TOR1AIP2: variants seen among roughly 807,000 people sequenced by gnomAD.
The protein encoded by TOR1AIP2 is torsin-1A-interacting protein 2.
A neutral mutation model predicts 32.6 loss-of-function variants in TOR1AIP2; 20 were observed. The ratio of observed to expected loss-of-function variants is 0.61; its 90% CI spans 0.43 to 0.89. The LOEUF (loss-of-function observed/expected upper bound fraction) is 0.89. Ranked by LOEUF, TOR1AIP2 falls within the 40% of genes least tolerant of loss-of-function variation. TOR1AIP2 has a pLI of 0.00. For missense variants in TOR1AIP2, 456 were observed against 553.8 expected (o/e 0.82, Z 1.77); for synonymous variants, 214 against 210.8 (o/e 1.02, Z -0.13).
chr1:179,864,624 T>C, intron 3 of TOR1AIP2: 1 of 1,405,596 alleles, frequency 7.1e-7, no homozygotes, highest in Non-Finnish European at 9.2e-7. Context: ...TTCATGTGAA[T>C]AAAATATGTA....
rs546361452 is a variant in TOR1AIP2 at position 179,843,875 on chromosome 1, C to T, written c.*2196G>A. On this transcript the variant is annotated 3_prime_UTR_variant, in exon 7 of 7. Coordinates refer to ENST00000609928, the MANE Select transcript of TOR1AIP2 (RefSeq NM_001199260.2). ...GAAATAGCAGACAGAAAACTGACAA[C>T]ACCCTCAATTGATTGCACTATACAT... is the stretch of plus-strand genomic sequence containing the variant. 2.8e-5 allele frequency: 4 copies of T among 140,884 alleles called. No homozygotes were observed. Among genetic ancestry groups the T allele is most frequent in the African/African-American group, 7.8e-5 (3 of 38,426 alleles). The allele number at this position is 140,884 out of a possible 1,614,324, so 8.7% of individuals were successfully genotyped here.
rs1695899274 is a variant in TOR1AIP2, at chr1:179,846,260, A to G, written c.1224T>C (p.Ser408=). 1 of 1,614,152 alleles carries G rather than the reference A, an allele frequency of 6.2e-7. No individual in the cohort carries two copies. The highest frequency in any genetic ancestry group is 1.1e-5 in the South Asian group (1 of 91,076). The change falls in exon 7 of 7, where the codon AGT becomes AGC. Residue 408 remains serine (S), a synonymous_variant. Transcript: ENST00000609928. ...VLLEEETLEA[S]VGPRETEEKV... is the part of the protein sequence containing the mutation. Reference sequence around the variant, plus strand: ...TTTCTTCCGTTTCCCTTGGGCCTACACTTGCTTCTAATGTTTCCTCCTCTA... The same window carrying G: ...TTTCTTCCGTTTCCCTTGGGCCTACGCTTGCTTCTAATGTTTCCTCCTCTA...
intron 2 of TOR1AIP2, chr1:179,867,407 G>A (rs1476229612): frequency 1.3e-5 from 2 of 152,168 alleles, no homozygotes; most frequent in Non-Finnish European, 2.9e-5. Context: ...TTCCCTGAGG[G>A]TCTGCTGACA....
intron 2 of TOR1AIP2, chr1:179,874,833 G>A (rs1045813528): frequency 5.3e-5 from 8 of 152,188 alleles, no homozygotes; most frequent in Non-Finnish European, 1.0e-4. Context: ...TCAGCCTCCA[G>A]GATCAAGTCC....
rs953321651 is a variant in TOR1AIP2 at position 179,845,283 on chromosome 1, CAA to C, written c.*786_*787del. The C allele has an allele frequency of 2.0e-5, 3 of 152,102 alleles. No individual in the cohort carries two copies. The highest frequency in any genetic ancestry group is 4.4e-5 in the Non-Finnish European group (3 of 68,014). The allele number at this position is 152,102 out of a possible 1,614,324, so 9.4% of individuals were successfully genotyped here. A position where few individuals can be genotyped will look rare whatever the true frequency, so the allele number is the denominator to read the frequency against. ...AGTTAAAAGCAGAACTGCTCTGATA[CAA>C]AGGGGAAGGGTGCCAGTAGACACAG... On this transcript the variant is annotated 3_prime_UTR_variant, in exon 7 of 7. Coordinates refer to ENST00000609928, the MANE Select transcript of TOR1AIP2 (RefSeq NM_001199260.2).
Position 179,846,822 on chromosome 1 carries a change from A to C in TOR1AIP2, c.662T>G (p.Val221Gly). The C allele has an allele frequency of 6.3e-7, 1 of 1,589,846 alleles. No individual in the cohort carries two copies. Among genetic ancestry groups the C allele is most frequent in the Non-Finnish European group, 8.6e-7 (1 of 1,166,456 alleles). The change falls in exon 7 of 7, where the codon GTG becomes GGG. Residue 221 changes from valine to glycine, a missense_variant. Coordinates refer to ENST00000609928, the MANE Select transcript of TOR1AIP2 (RefSeq NM_001199260.2). ...NKKGFWSYGP[V>G]ILVVLVVAVV... ...AGCCACAACCAGGACGACAAGAATC[A>C]CAGGGCCTGTCAAAAGAATGAAAAA... is the stretch of plus-strand genomic sequence containing the variant.
Position 179,844,843 on chromosome 1 carries a change from TATTAA to T in TOR1AIP2, c.*1223_*1227del, listed in dbSNP as rs961893587. On this transcript the variant is annotated 3_prime_UTR_variant, in exon 7 of 7. Transcript: ENST00000609928. ...TGCCAAATGTTCATATAAAATTTAC[TATTAA>T]ATTGGTTATTCAAAAATAAATTTTT... The T allele has an allele frequency of 4.0e-4, 61 of 152,234 alleles. 2 individuals are homozygous for T. Among genetic ancestry groups the T allele is most frequent in the Non-Finnish European group, 4.4e-5 (3 of 68,034 alleles). 9.4% of individuals were successfully genotyped at this position (152,234 alleles called of 1,614,324 possible).
intron 3 of TOR1AIP2, among the ~76,000 whole-genome samples, chr1:179,854,639 G>A (rs1696232158): frequency 6.6e-6 from 1 of 152,166 alleles, no homozygotes; most frequent in Admixed American, 6.5e-5. Context: ...GGAGGCTGAG[G>A]CGGGCAGATC....
At chr1:179,868,615 G>A (rs1696888563) in intron 2 of TOR1AIP2, 1 of 152,054 alleles carries the variant, frequency 6.6e-6, no homozygotes, top group Admixed American at 6.6e-5. Flanking sequence ...TGGTAGCACT[G>A]TGTAATAGCA....
intron 6 of TOR1AIP2, 134 bp downstream of exon 6, chr1:179,847,401 C>G: frequency 1.4e-6 from 1 of 701,114 alleles, no homozygotes; most frequent in Non-Finnish European, 2.5e-6. Context: ...TTTACTATGT[C>G]TCACTACCAA....
Position 179,842,870 on chromosome 1 carries a change from C to G in TOR1AIP2, c.*3201G>C, listed in dbSNP as rs1695765301. 1 of 152,052 alleles carries G rather than the reference C, an allele frequency of 6.6e-6. No individual in the cohort carries two copies. Among genetic ancestry groups the G allele is most frequent in the Non-Finnish European group, 1.5e-5 (1 of 67,984 alleles). 9.4% of individuals were successfully genotyped at this position (152,052 alleles called of 1,614,324 possible). ...CCATCCTGGCTAACACGGTGAAACCCTGTCTCTACTAAAAATATTTTTTTA... is the reference window on the plus strand; with the variant it reads ...CCATCCTGGCTAACACGGTGAAACCGTGTCTCTACTAAAAATATTTTTTTA... On this transcript the variant is annotated 3_prime_UTR_variant, in exon 7 of 7. Transcript: ENST00000609928.
chr1:179,849,514 AC>A, intron 5 of TOR1AIP2, among the ~76,000 whole-genome samples: 1 of 152,230 alleles, frequency 6.6e-6, no homozygotes, highest in South Asian at 2.1e-4. Context: ...GTGAGCCACC[AC>A]CCTTGGCCTA....
chr1:179,843,910 AAT>A lies in TOR1AIP2; in HGVS notation c.*2159_*2160del, dbSNP rs1695808961. On this transcript the variant is annotated 3_prime_UTR_variant, in exon 7 of 7. Transcript: ENST00000609928. The stretch of plus-strand genomic sequence containing the variant: ...TGATTGCACTATACATGGAAGGGAA[AAT>A]GTTTTTAAAAAGGCTAAATTAAAAA... 2.6e-5 allele frequency: 4 copies of A among 152,252 alleles called. No homozygotes were observed. The South Asian group carries it at 8.3e-4, about 32-fold the overall frequency. 9.4% of individuals were successfully genotyped at this position (152,252 alleles called of 1,614,324 possible). A position where few individuals can be genotyped will look rare whatever the true frequency, so the allele number is the denominator to read the frequency against.
chr1:179,863,607 T>C (rs1302600550), intron 3 of TOR1AIP2: 2 of 974,608 alleles, frequency 2.1e-6, no homozygotes, highest in Non-Finnish European at 1.2e-6. Context: ...GGTGGGAGGA[T>C]GGCTTGAGCC....
chr1:179,851,050 A>T lies in TOR1AIP2; in HGVS notation c.348T>A (p.Asp116Glu), dbSNP rs112711003. Residue 116 changes from aspartate to glutamate, a missense_variant, in exon 5 of 7, where the codon GAT becomes GAA. Physicochemically the swap from Asp to Glu is conservative, Grantham distance 45. Coordinates refer to ENST00000609928, the MANE Select transcript of TOR1AIP2 (RefSeq NM_001199260.2). ...CCTTGTCACTTGGAGAATGGCTGGGATCTGGATCCAAGGGTTCTTTACCCA... is the reference window on the plus strand; with the variant it reads ...CCTTGTCACTTGGAGAATGGCTGGGTTCTGGATCCAAGGGTTCTTTACCCA... ...ENLGKEPLDP[D>E]PSHSPSDKVG... The T allele has an allele frequency of 4.7e-5, 76 of 1,614,162 alleles. 3 individuals carry two copies. The African/African-American group carries it at 6.1e-4, about 13-fold the overall frequency.
chr1:179,876,867 G>A (rs1405222627), intron 2 of TOR1AIP2, among the ~76,000 whole-genome samples: 2 of 152,094 alleles, frequency 1.3e-5, no homozygotes, highest in African/African-American at 2.4e-5. Flanking sequence ...TTAAAAGAAG[G>A]AAAAGGCACA....
Position 179,846,301 on chromosome 1 carries a change from C to T in TOR1AIP2, c.1183G>A (p.Val395Ile). 2 of 1,614,176 alleles carry T rather than the reference C, an allele frequency of 1.2e-6. No homozygotes were observed. Among genetic ancestry groups the T allele is most frequent in the Non-Finnish European group, 1.7e-6 (2 of 1,180,038 alleles). Residue 395 changes from valine to isoleucine, a missense_variant, in exon 7 of 7, where the codon GTC (valine) becomes ATC (isoleucine). By Grantham distance (29) the Val-to-Ile change is conservative. Coordinates refer to ENST00000609928, the MANE Select transcript of TOR1AIP2 (RefSeq NM_001199260.2). ...ENAAFKDVALVLTVLLEEETL... is the reference protein window; with the variant it reads ...ENAAFKDVALILTVLLEEETL... ...TCCTCCTCTAGCAGAACAGTCAGGACCAGGGCCACATCTTTAAAGGCAGCA... is the reference window on the plus strand; with the variant it reads ...TCCTCCTCTAGCAGAACAGTCAGGATCAGGGCCACATCTTTAAAGGCAGCA...
In TOR1AIP2 at chr1:179,845,813, CATAT is replaced by C. The variant is rs1163216933; in HGVS notation, c.*254_*257del. 1 of 385,126 alleles carries C rather than the reference CATAT, an allele frequency of 2.6e-6. No homozygotes were observed. Among genetic ancestry groups the C allele is most frequent in the Non-Finnish European group, 4.6e-6 (1 of 218,424 alleles). The allele number at this position is 385,126 out of a possible 1,614,324, so 23.9% of individuals were successfully genotyped here. ...TATTTTAGAATTTAAAAAAAATTCT[CATAT>C]ATATCATCGATATTTCAAACCTGAT... On this transcript the variant is annotated 3_prime_UTR_variant, in exon 7 of 7. Coordinates refer to ENST00000609928, the MANE Select transcript of TOR1AIP2 (RefSeq NM_001199260.2).
rs1441328014 is a variant in TOR1AIP2 at position 179,846,621 on chromosome 1, G to C, written c.863C>G (p.Ser288Cys). ...GATGGTGGCTGGCTCAGTGGGGTTG[G>C]AAGCATTGAGGTGCTTCTGGAGAAA... ...RKFLQKHLNASNPTEPATIIF... is the reference protein window; with the variant it reads ...RKFLQKHLNACNPTEPATIIF... Residue 288 changes from serine to cysteine, a missense_variant, in exon 7 of 7, where the codon TCC becomes TGC. Transcript: ENST00000609928. 6.2e-7 allele frequency: 1 copy of C among 1,613,998 alleles called. No homozygotes were observed. The highest frequency in any genetic ancestry group is 1.7e-5 in the Admixed American group (1 of 59,998).
Sources: gnomAD v4.1 joint callset for allele counts (sites outside exome capture counted in the v4.1 genomes callset) on GRCh38, gnomAD v4.1.1 for gene constraint, MANE v1.5 for transcripts, NCBI Gene and HGNC (gene_info 2026-07-23, HGNC 2026-07-21) for gene names.